The following ADAMTS12 variants were observed in gnomAD, a reference collection of about 807,000 sequenced individuals.
The protein encoded by ADAMTS12 is A disintegrin and metalloproteinase with thrombospondin motifs 12.
ADAMTS12 carries 118 observed loss-of-function variants against 167.8 expected under a neutral mutation model. The ratio of observed to expected loss-of-function variants is 0.70; its 90% CI spans 0.61 to 0.82. ADAMTS12 has a LOEUF of 0.82. Ranked by LOEUF, ADAMTS12 falls within the 40% of genes least tolerant of loss-of-function variation. ADAMTS12 has a pLI of 0.00. For missense variants in ADAMTS12, 1,916 were observed against 1,998.8 expected (o/e 0.96, Z 0.79); for synonymous variants, 704 against 716.9 (o/e 0.98, Z 0.29).
At chr5:33,708,990 AAAAC>A (rs1743294874) in intron 3 of ADAMTS12, among the ~76,000 whole-genome samples, 1 of 152,134 alleles carries the variant, frequency 6.6e-6, no homozygotes, top group Non-Finnish European at 1.5e-5. Flanking sequence ...AAACAAAACA[AAAAC>A]AAACAAAAAA....
At chr5:33,712,633 G>A (rs1227790306) in intron 3 of ADAMTS12, among the ~76,000 whole-genome samples, 1 of 151,710 alleles carries the variant, frequency 6.6e-6, no homozygotes, top group Non-Finnish European at 1.5e-5. Flanking sequence ...GTAAAAGATA[G>A]AGACAAGGCT....
At chr5:33,564,042 T>C (rs1261571554) in intron 19 of ADAMTS12, among the ~76,000 whole-genome samples, 1 of 152,222 alleles carries the variant, frequency 6.6e-6, no homozygotes. Context: ...AATTACTTAA[T>C]ATTTGAAAAC....
At chr5:33,751,328 T>A (rs1333854764) in intron 3 of ADAMTS12, 76 bp downstream of exon 3, 2 of 1,582,266 alleles carry the variant, frequency 1.3e-6, no homozygotes, top group Non-Finnish European at 1.7e-6. Flanking sequence ...TGAGTAAGAA[T>A]AGGTCATGTT....
chr5:33,538,189 G>A (rs1022086337), intron 22 of ADAMTS12, among the ~76,000 whole-genome samples: 14 of 152,348 alleles, frequency 9.2e-5, no homozygotes, highest in African/African-American at 2.2e-4. Context: ...GAGGCCTCAG[G>A]AAACTTACAA....
intron 2 of ADAMTS12, among the ~76,000 whole-genome samples, chr5:33,828,146 C>T (rs1748162660): frequency 6.6e-6 from 1 of 152,192 alleles, no homozygotes; most frequent in Non-Finnish European, 1.5e-5. Flanking sequence ...AGGCTACTCC[C>T]CTGGCAGTGC....
chr5:33,608,348 G>A (rs533664861), intron 16 of ADAMTS12, among the ~76,000 whole-genome samples: 3 of 152,238 alleles, frequency 2.0e-5, no homozygotes, highest in East Asian at 1.9e-4. Flanking sequence ...GACAGAGTTC[G>A]ATCATTTTAA....
At chr5:33,605,934 G>C (rs904858871) in intron 16 of ADAMTS12, among the ~76,000 whole-genome samples, 1 of 143,998 alleles carries the variant, frequency 6.9e-6, no homozygotes, top group Non-Finnish European at 1.5e-5. Context: ...TGAACAGTCT[G>C]GTTCCAGAGG....
At chr5:33,795,477 A>T (rs1282989912) in intron 2 of ADAMTS12, among the ~76,000 whole-genome samples, 1 of 152,218 alleles carries the variant, frequency 6.6e-6, no homozygotes, top group Non-Finnish European at 1.5e-5. Context: ...ATGAAAAAAA[A>T]TTTTAAATCG....
At chr5:33,817,358 T>G (rs1747700173) in intron 2 of ADAMTS12, among the ~76,000 whole-genome samples, 1 of 152,184 alleles carries the variant, frequency 6.6e-6, no homozygotes. Context: ...TCAAGAAATA[T>G]TTATGATTCC....
intron 10 of ADAMTS12, among the ~76,000 whole-genome samples, chr5:33,642,734 T>C (rs927188950): frequency 6.6e-6 from 1 of 152,222 alleles, no homozygotes; most frequent in African/African-American, 2.4e-5. Flanking sequence ...TCTGATATCC[T>C]TTTTTTCCTC....
At chr5:33,588,832 G>A in intron 17 of ADAMTS12, 23 bp from the exon 18 acceptor site, 5 of 1,610,756 alleles carry the variant, frequency 3.1e-6, no homozygotes, top group Non-Finnish European at 4.2e-6. Flanking sequence ...ATGGATATGT[G>A]AGAGAAGATC....
chr5:33,593,782 G>A (rs1172677093), intron 17 of ADAMTS12, among the ~76,000 whole-genome samples: 2 of 152,088 alleles, frequency 1.3e-5, no homozygotes, highest in Non-Finnish European at 1.5e-5. Flanking sequence ...AACCACCATG[G>A]CACATGTATA....
intron 14 of ADAMTS12, among the ~76,000 whole-genome samples, chr5:33,616,487 C>T (rs1452184539): frequency 6.6e-6 from 1 of 152,196 alleles, no homozygotes; most frequent in Non-Finnish European, 1.5e-5. Context: ...TGGATACATA[C>T]TTTTCCTCAC....
At chr5:33,731,281 G>A (rs1483685292) in intron 3 of ADAMTS12, among the ~76,000 whole-genome samples, 1 of 151,394 alleles carries the variant, frequency 6.6e-6, no homozygotes, top group Admixed American at 6.6e-5. Context: ...AGCCTCCCGG[G>A]TTCCAGAGAT....
chr5:33,830,014 G>A (rs1748232763), intron 2 of ADAMTS12, among the ~76,000 whole-genome samples: 1 of 152,150 alleles, frequency 6.6e-6, no homozygotes, highest in African/African-American at 2.4e-5. Context: ...AAGAAAGGGA[G>A]GCCAGACAGC....
chr5:33,702,887 C>T (rs938803137), intron 3 of ADAMTS12, among the ~76,000 whole-genome samples: 1 of 152,112 alleles, frequency 6.6e-6, no homozygotes, highest in African/African-American at 2.4e-5. Flanking sequence ...AGCCTCCTAA[C>T]GAGTGGCTGG....
chr5:33,674,376 T>G (rs1409194003), intron 5 of ADAMTS12, among the ~76,000 whole-genome samples: 1 of 152,174 alleles, frequency 6.6e-6, no homozygotes, highest in African/African-American at 2.4e-5. Context: ...TACATGGGTG[T>G]CTCGTGTTTC....
chr5:33,735,405 TA>T (rs1744335177), intron 3 of ADAMTS12, among the ~76,000 whole-genome samples: 1 of 152,242 alleles, frequency 6.6e-6, no homozygotes, highest in African/African-American at 2.4e-5. Flanking sequence ...AAGGGCCAGA[TA>T]GTAAATGTTT....
chr5:33,776,567 A>G (rs909626207), intron 2 of ADAMTS12, among the ~76,000 whole-genome samples: 1 of 152,214 alleles, frequency 6.6e-6, no homozygotes, highest in Non-Finnish European at 1.5e-5. Flanking sequence ...GGAACGCAGC[A>G]AAAGCAATTC....
Sources: allele counts gnomAD v4.1 joint callset (sites outside exome capture counted in the v4.1 genomes callset), GRCh38; gene constraint gnomAD v4.1.1; transcripts MANE v1.5; gene names NCBI Gene and HGNC (gene_info 2026-07-23, HGNC 2026-07-21).